The following ASPH variants were observed in gnomAD, a reference collection of about 807,000 sequenced individuals.
ASPH encodes aspartate beta-hydroxylase, also known as aspartyl/asparaginyl beta-hydroxylase.
ASPH carries 100 observed loss-of-function variants against 118.4 expected under a neutral mutation model. The observed-to-expected ratio is 0.84, with a 90% CI of 0.72 to 1.00. ASPH has a LOEUF of 1.00. Ranked by LOEUF, ASPH falls within the 50% of genes least tolerant of loss-of-function variation. The pLI is 0.00. For missense variants in ASPH, 920 were observed against 919.5 expected, an observed-to-expected ratio of 1.00 and a Z score of -0.01; for synonymous variants, 315 against 325.6, an observed-to-expected ratio of 0.97 and a Z score of 0.35.
At position 61,530,460 on chromosome 8, in the gene ASPH, C is replaced by T. The variant is rs549856582; in HGVS notation, c.1765-4348G>A. On this transcript the variant is annotated intron_variant, in intron 21 of 24. Transcript: ENST00000379454. ...CCTTCCCAGTTCTGACCTCATGAAT[C>T]CCACATCCTGCCCCAGCTCTCCTGA... 5.7e-4 allele frequency among the ~76,000 whole-genome samples: 87 copies of T among 152,314 alleles called. 1 individual carries two copies. In the Middle Eastern group the frequency reaches 0.027, roughly 48 times the overall value.
chr8:61,583,170 G>A (rs921195711), intron 15 of ASPH: 1 of 152,054 alleles, frequency 6.6e-6, no homozygotes, highest in South Asian at 2.1e-4. Context: ...ACTATCCTGA[G>A]TAATGGACTG....
chr8:61,552,723 G>GAC (rs143977473), intron 20 of ASPH, among the ~76,000 whole-genome samples: 3 of 151,542 alleles, frequency 2.0e-5, no homozygotes, highest in African/African-American at 4.8e-5. Flanking sequence ...TACACACACA[G>GAC]ACACACACAC....
Position 61,576,728 on chromosome 8 carries a change from A to T in ASPH, c.1149+44T>A, listed in dbSNP as rs564557589. ...TAAAAAATTCAATCACACAAAACAC[A>T]TGAACATCAAAAAAGTGTCCTAAGG... On this transcript the variant is annotated intron_variant, in intron 16 of 24. Coordinates refer to ENST00000379454, the MANE Select transcript of ASPH (RefSeq NM_004318.4). The T allele has an allele frequency of 3.3e-6, 5 of 1,535,772 alleles. No homozygotes were observed. The South Asian group carries it at 6.2e-5, about 19-fold the overall frequency.
At chr8:61,624,488 T>C in intron 13 of ASPH, 1 of 966,644 alleles carries the variant, frequency 1.0e-6, no homozygotes, top group Non-Finnish European at 1.2e-6. Flanking sequence ...CTGATTTTAT[T>C]ATGTAACAAA....
At chr8:61,619,979 G>C (rs1029792827) in intron 13 of ASPH, among the ~76,000 whole-genome samples, 1 of 152,148 alleles carries the variant, frequency 6.6e-6, no homozygotes, top group African/African-American at 2.4e-5. Flanking sequence ...CAGGGATGCG[G>C]TCAAGTGAAC....
chr8:61,670,024 A>G (rs1337771239), intron 3 of ASPH, among the ~76,000 whole-genome samples: 1 of 152,178 alleles, frequency 6.6e-6, no homozygotes, highest in Non-Finnish European at 1.5e-5. Context: ...TAAAACTCCA[A>G]AGGATCATCT....
chr8:61,638,293 GA>G, intron 11 of ASPH, 28 bp downstream of exon 11: 1 of 1,594,286 alleles, frequency 6.3e-7, no homozygotes. Flanking sequence ...CTGACTTGCA[GA>G]AAATATGTGC....
intron 1 of ASPH, among the ~76,000 whole-genome samples, chr8:61,706,241 G>A (rs1022701051): frequency 6.0e-5 from 9 of 151,232 alleles, no homozygotes; most frequent in East Asian, 2.0e-4. Flanking sequence ...AGGCCAACAC[G>A]GCAAAACCCC....
Position 61,548,220 on chromosome 8 carries a change from G to A in ASPH, c.1627-12C>T, listed in dbSNP as rs1315686107. ...TACCACTTATATGCCTGAAGGAACAGAAAGAATGTGCTCCAAACTGTTCCT... is the reference window on the plus strand; with the variant it reads ...TACCACTTATATGCCTGAAGGAACAAAAAGAATGTGCTCCAAACTGTTCCT... On this transcript the variant is annotated splice_polypyrimidine_tract_variant and intron_variant, in intron 20 of 24. Transcript: ENST00000379454. 2.5e-6 allele frequency: 4 copies of A among 1,610,480 alleles called. No individual in the cohort carries two copies. The East Asian group carries it at 8.9e-5, about 36-fold the overall frequency.
intron 17 of ASPH, among the ~76,000 whole-genome samples, chr8:61,564,689 G>A (rs188580554): frequency 6.6e-6 from 1 of 152,350 alleles, no homozygotes; most frequent in Non-Finnish European, 1.5e-5. Flanking sequence ...TGTGCTGCAT[G>A]TTTTTGTTCT....
chr8:61,650,038 C>A (rs1052470312), intron 5 of ASPH, among the ~76,000 whole-genome samples: 1 of 152,110 alleles, frequency 6.6e-6, no homozygotes, highest in African/African-American at 2.4e-5. Context: ...CCTCTTCTGA[C>A]CCCCCTTCTG....
At chr8:61,586,640 T>C (rs1839544698) in intron 14 of ASPH, among the ~76,000 whole-genome samples, 1 of 152,182 alleles carries the variant, frequency 6.6e-6, no homozygotes. Context: ...GGAATTTAAC[T>C]ACACGGAGAA....
intron 24 of ASPH, among the ~76,000 whole-genome samples, chr8:61,509,456 G>A (rs930002188): frequency 6.6e-6 from 1 of 152,172 alleles, no homozygotes; most frequent in African/African-American, 2.4e-5. Flanking sequence ...AGGCGCTGGT[G>A]GGAGTGTAGC....
intron 13 of ASPH, chr8:61,626,168 C>A: frequency 7.7e-7 from 1 of 1,292,870 alleles, no homozygotes; most frequent in Non-Finnish European, 9.9e-7. Context: ...TCCCAAAGAT[C>A]TTGATCTGCT....
intron 13 of ASPH, chr8:61,626,344 A>G (rs1852798036): frequency 1.4e-6 from 2 of 1,388,282 alleles, no homozygotes; most frequent in Non-Finnish European, 1.9e-6. Flanking sequence ...AAACTGCTTC[A>G]TTTTCATTCT....
intron 1 of ASPH, among the ~76,000 whole-genome samples, chr8:61,695,208 C>G (rs986968138): frequency 3.9e-5 from 6 of 152,220 alleles, no homozygotes; most frequent in Non-Finnish European, 5.9e-5. Flanking sequence ...ATTTCAATAA[C>G]TTAGCATACA....
intron 16 of ASPH, among the ~76,000 whole-genome samples, chr8:61,574,386 G>T (rs1191540129): frequency 6.6e-6 from 1 of 152,126 alleles, no homozygotes; most frequent in African/African-American, 2.4e-5. Context: ...CTACTATAAA[G>T]ACACATGCAC....
Position 61,714,577 on chromosome 8 carries a change from G to A in ASPH, c.-206C>T. On this transcript the variant is annotated 5_prime_UTR_variant, in exon 1 of 25. Transcript: ENST00000379454. ...CGGCTGCGCGCGCCCGGCCTCGCGTGTACGAACCTGTGACTCCCTCCCGGG... is the reference window on the plus strand; with the variant it reads ...CGGCTGCGCGCGCCCGGCCTCGCGTATACGAACCTGTGACTCCCTCCCGGG... The A allele has an allele frequency of 1.4e-6, 1 of 699,226 alleles. No homozygotes were observed. The highest frequency in any genetic ancestry group is 3.5e-5 in the East Asian group (1 of 28,314). The allele number at this position is 699,226 out of a possible 1,614,324, so 43.3% of individuals were successfully genotyped here.
At chr8:61,637,910 T>C (rs1423287716) in intron 12 of ASPH, 37 bp downstream of exon 12, 5 of 1,559,760 alleles carry the variant, frequency 3.2e-6, no homozygotes, top group Middle Eastern at 1.8e-4. Flanking sequence ...ACAATTCTCA[T>C]ATGGAAGGTA....
Sources: allele counts gnomAD v4.1 joint callset (sites outside exome capture counted in the v4.1 genomes callset), GRCh38; gene constraint gnomAD v4.1.1; transcripts MANE v1.5; gene names NCBI Gene and HGNC (gene_info 2026-07-23, HGNC 2026-07-21).